PEPD: variants seen among roughly 807,000 people sequenced by gnomAD.
PEPD encodes peptidase D.
In PEPD, 53 loss-of-function variants were observed where a neutral mutation model predicts 60.7. The observed-to-expected ratio is 0.87, with a 90% CI of 0.70 to 1.10. The LOEUF (loss-of-function observed/expected upper bound fraction) is 1.10. PEPD is among the 50% of genes least tolerant of loss of function. PEPD has a pLI of 0.00. For synonymous variants in PEPD, 267 were observed against 284.1 expected, an observed-to-expected ratio of 0.94 and a Z score of 0.60; for missense variants, 711 against 711.9, an observed-to-expected ratio of 1.00 and a Z score of 0.01.
chr19:33,421,615 TGAGTAGCTG>T (rs1178292507), intron 9 of PEPD, among the ~76,000 whole-genome samples: 1 of 152,042 alleles, frequency 6.6e-6, no homozygotes, highest in African/African-American at 2.4e-5. Context: ...TTCAGTTTCC[TGAGTAGCTG>T]GGACTACAGA....
chr19:33,511,430 G>C (rs908733537), intron 2 of PEPD: 1 of 439,672 alleles, frequency 2.3e-6, no homozygotes, highest in East Asian at 4.8e-5. Flanking sequence ...CCCCACCCCC[G>C]GGCCCACAAC....
chr19:33,408,724 G>A (rs537596285), intron 11 of PEPD, among the ~76,000 whole-genome samples: 56 of 152,328 alleles, frequency 3.7e-4, no homozygotes, highest in Admixed American at 7.8e-4. Flanking sequence ...GGAGGCGCTC[G>A]GCTTCGGGGG....
intron 9 of PEPD, among the ~76,000 whole-genome samples, chr19:33,429,598 T>C (rs920588230): frequency 1.1e-4 from 16 of 152,166 alleles, no homozygotes; most frequent in African/African-American, 3.6e-4. Context: ...CATCAGACTA[T>C]AAAGATAGAA....
chr19:33,482,369 AAAAT>A (rs2145304552), intron 6 of PEPD, among the ~76,000 whole-genome samples: 1 of 152,352 alleles, frequency 6.6e-6, no homozygotes, highest in African/African-American at 2.4e-5. Context: ...TAGATGGAGA[AAAAT>A]AAACTGATAA....
intron 11 of PEPD, among the ~76,000 whole-genome samples, chr19:33,410,676 G>C (rs1329022570): frequency 1.3e-5 from 2 of 152,212 alleles, no homozygotes; most frequent in African/African-American, 4.8e-5. Flanking sequence ...ATGCTGCTGG[G>C]GGGCAGAGGG....
At chr19:33,419,734 C>A (rs1968971233) in intron 9 of PEPD, among the ~76,000 whole-genome samples, 1 of 152,224 alleles carries the variant, frequency 6.6e-6, no homozygotes, top group Non-Finnish European at 1.5e-5. Flanking sequence ...CCTTCCGGAG[C>A]CCTGACCTTG....
intron 9 of PEPD, among the ~76,000 whole-genome samples, chr19:33,428,910 A>AT (rs1263699203): frequency 1.3e-5 from 2 of 152,268 alleles, no homozygotes; most frequent in Admixed American, 1.3e-4. Flanking sequence ...ACATATGCAT[A>AT]TACGCACACA....
intron 2 of PEPD, 31 bp downstream of exon 2, chr19:33,512,562 T>G (rs369049508): frequency 1.2e-6 from 2 of 1,606,244 alleles, no homozygotes; most frequent in South Asian, 1.1e-5. Context: ...ATCACACACC[T>G]GCTCACTTGT....
chr19:33,458,548 G>C (rs1969859347), intron 9 of PEPD, among the ~76,000 whole-genome samples: 1 of 141,708 alleles, frequency 7.1e-6, no homozygotes, highest in Non-Finnish European at 1.5e-5. Context: ...TGTGTGTGGT[G>C]TGGGGTGTGT....
At chr19:33,499,976 G>C (rs556762816) in intron 4 of PEPD, among the ~76,000 whole-genome samples, 1 of 152,388 alleles carries the variant, frequency 6.6e-6, no homozygotes, top group South Asian at 2.1e-4. Flanking sequence ...GTCCTGCCCA[G>C]GGGAAGGGGG....
At chr19:33,434,851 C>T (rs923845680) in intron 9 of PEPD, among the ~76,000 whole-genome samples, 1 of 151,830 alleles carries the variant, frequency 6.6e-6, no homozygotes, top group African/African-American at 2.4e-5. Flanking sequence ...CCTCCTCGGT[C>T]CCTGACCCTC....
At chr19:33,477,947 G>C in intron 7 of PEPD, 99 bp downstream of exon 7, 2 of 821,754 alleles carry the variant, frequency 2.4e-6, no homozygotes, top group East Asian at 2.6e-5. Flanking sequence ...TCTGCTTTCT[G>C]AGGGGCTCTC....
At chr19:33,391,959 T>C (rs180866309) in intron 12 of PEPD, among the ~76,000 whole-genome samples, 26 of 152,310 alleles carry the variant, frequency 1.7e-4, no homozygotes, top group Admixed American at 1.6e-3. Context: ...GTTTTGCTGC[T>C]GTGGTGCAGT....
chr19:33,492,621 C>T (rs554300469), intron 5 of PEPD, among the ~76,000 whole-genome samples: 27 of 152,202 alleles, frequency 1.8e-4, no homozygotes, highest in African/African-American at 6.3e-4. Flanking sequence ...TATCAAATAC[C>T]AGATCTGATT....
intron 6 of PEPD, among the ~76,000 whole-genome samples, chr19:33,485,367 C>T (rs1395854781): frequency 1.3e-5 from 2 of 151,964 alleles, no homozygotes; most frequent in Non-Finnish European, 1.5e-5. Flanking sequence ...GTGGTGCGCA[C>T]CTGTAATCCC....
In PEPD at chr19:33,387,132, TA is replaced by T; in HGVS notation, c.*211del. On this transcript the variant is annotated 3_prime_UTR_variant, in exon 15 of 15. Coordinates refer to ENST00000244137, the MANE Select transcript of PEPD (RefSeq NM_000285.4). ...AGTCGCTCATTTAATAAGCAAGGTA[TA>T]AAACAGATTAAAGGTGGGAGCCTGC... 1 of 600,364 alleles carries T rather than the reference TA, an allele frequency of 1.7e-6. No homozygotes were observed. The allele number at this position is 600,364 out of a possible 1,614,324, so 37.2% of individuals were successfully genotyped here.
chr19:33,405,695 C>T (rs758397190), intron 11 of PEPD, among the ~76,000 whole-genome samples: 1 of 152,244 alleles, frequency 6.6e-6, no homozygotes, highest in Non-Finnish European at 1.5e-5. Context: ...AAGCTCCAAG[C>T]GTGGCCAGCA....
At chr19:33,411,310 C>A (rs946173907) in intron 11 of PEPD, among the ~76,000 whole-genome samples, 2 of 152,132 alleles carry the variant, frequency 1.3e-5, no homozygotes, top group Admixed American at 1.3e-4. Context: ...CCTCCTGGCA[C>A]CAAGACAGAA....
chr19:33,451,759 AG>A (rs1186911968), intron 9 of PEPD, among the ~76,000 whole-genome samples: 1 of 152,246 alleles, frequency 6.6e-6, no homozygotes, highest in African/African-American at 2.4e-5. Context: ...CACCAGTGTC[AG>A]GCAAAGTCAG....
Sources: gnomAD v4.1 joint callset for allele counts (sites outside exome capture counted in the v4.1 genomes callset) on GRCh38, gnomAD v4.1.1 for gene constraint, MANE v1.5 for transcripts, NCBI Gene and HGNC (gene_info 2026-07-23, HGNC 2026-07-21) for gene names.